Variants in SYK observed in about 807,000 individuals in gnomAD.
SYK encodes the protein spleen associated tyrosine kinase, also known as tyrosine-protein kinase SYK.
Under a neutral mutation model 77.8 loss-of-function variants are expected in SYK, and 16 were observed. The ratio of observed to expected loss-of-function variants is 0.21; its 90% CI spans 0.14 to 0.31. The LOEUF is 0.31. Among genes scored for constraint, SYK ranks in the 10% least tolerant of loss-of-function variants. The pLI is 1.00. For missense variants in SYK, 529 were observed against 814.4 expected, an observed-to-expected ratio of 0.65 and a Z score of 4.26; for synonymous variants, 312 against 308.7, an observed-to-expected ratio of 1.01 and a Z score of -0.11.
chr9:90,829,684 T>C (rs1413085951), intron 1 of SYK, among the ~76,000 whole-genome samples: 1 of 152,232 alleles, frequency 6.6e-6, no homozygotes, highest in Non-Finnish European at 1.5e-5. Flanking sequence ...GTGCCTGACA[T>C]AATGACTTGC....
At chr9:90,870,299 C>A (rs1827680760) in intron 7 of SYK, among the ~76,000 whole-genome samples, 1 of 152,176 alleles carries the variant, frequency 6.6e-6, no homozygotes, top group Admixed American at 6.5e-5. Context: ...AATTAAACAG[C>A]AACATCTCTA....
At position 90,844,714 on chromosome 9, in the gene SYK, C is replaced by T. The variant is rs558308868; in HGVS notation, c.417+399C>T. ...TTGCAGAACTTTCTGTGTCAACACT[C>T]ATATAGTTGCATCACCCGTTCTTTG... is the stretch of plus-strand genomic sequence containing the variant. On this transcript the variant is annotated intron_variant, in intron 2 of 13. Transcript: ENST00000375754. 8.5e-5 allele frequency among the ~76,000 whole-genome samples: 13 copies of T among 152,360 alleles called. No individual in the cohort carries two copies. In the East Asian group the frequency reaches 2.5e-3, roughly 29 times the overall value.
intron 1 of SYK, among the ~76,000 whole-genome samples, chr9:90,811,140 C>G (rs1392512177): frequency 6.6e-6 from 1 of 152,194 alleles, no homozygotes; most frequent in Admixed American, 6.5e-5. Flanking sequence ...TATTCACACT[C>G]ATCACAAGAT....
intron 3 of SYK, among the ~76,000 whole-genome samples, chr9:90,851,986 A>G (rs1826841304): frequency 6.6e-6 from 1 of 152,208 alleles, no homozygotes; most frequent in Non-Finnish European, 1.5e-5. Context: ...TTTAGAAAAG[A>G]TAATGTAATA....
chr9:90,868,886 A>G (rs1168181054), intron 7 of SYK, among the ~76,000 whole-genome samples: 4 of 152,228 alleles, frequency 2.6e-5, no homozygotes, highest in Admixed American at 2.0e-4. Context: ...ACAAAGTCTG[A>G]TAATAATTTA....
chr9:90,870,763 G>A (rs1009392450), intron 7 of SYK, among the ~76,000 whole-genome samples: 1 of 152,114 alleles, frequency 6.6e-6, no homozygotes, highest in Admixed American at 6.5e-5. Flanking sequence ...ACCAAACCTA[G>A]TTTATTGCAG....
intron 1 of SYK, among the ~76,000 whole-genome samples, chr9:90,805,344 T>A (rs982079872): frequency 1.2e-4 from 19 of 152,328 alleles, no homozygotes; most frequent in Admixed American, 3.9e-4. Context: ...CCTGGAGCGC[T>A]GGAAGGGAGC....
chr9:90,880,047 C>T (rs942736267), intron 11 of SYK, among the ~76,000 whole-genome samples: 1 of 152,256 alleles, frequency 6.6e-6, no homozygotes, highest in African/African-American at 2.4e-5. Flanking sequence ...AGGTTAACAA[C>T]CCTGCTAGTC....
intron 1 of SYK, among the ~76,000 whole-genome samples, chr9:90,840,923 G>T (rs1448045757): frequency 6.6e-6 from 1 of 152,202 alleles, no homozygotes; most frequent in Non-Finnish European, 1.5e-5. Context: ...TCAGGCTGAT[G>T]CTCTTACATT....
intron 9 of SYK, among the ~76,000 whole-genome samples, chr9:90,876,162 C>T (rs1564113735): frequency 6.6e-6 from 1 of 151,944 alleles, no homozygotes; most frequent in Admixed American, 6.6e-5. Flanking sequence ...TGGCATACAC[C>T]TGTAGTCCCA....
chr9:90,867,276 G>C (rs1827538210), intron 7 of SYK, 77 bp downstream of exon 7: 3 of 1,438,852 alleles, frequency 2.1e-6, no homozygotes, highest in Admixed American at 3.4e-5. Context: ...CGCCCAGTCT[G>C]CCCTGTGTGT....
intron 7 of SYK, among the ~76,000 whole-genome samples, chr9:90,868,812 A>C (rs1827617603): frequency 6.6e-6 from 1 of 152,170 alleles, no homozygotes. Context: ...GTATGTACAG[A>C]TATTCTTGCA....
chr9:90,858,783 T>C (rs1381301439), intron 3 of SYK, among the ~76,000 whole-genome samples: 2 of 152,238 alleles, frequency 1.3e-5, no homozygotes, highest in African/African-American at 4.8e-5. Flanking sequence ...GCTGGGCCTG[T>C]GGGTTTCCTT....
At chr9:90,846,512 A>T (rs1296702816) in intron 3 of SYK, among the ~76,000 whole-genome samples, 1 of 152,182 alleles carries the variant, frequency 6.6e-6, no homozygotes, top group Non-Finnish European at 1.5e-5. Flanking sequence ...CTTGTATTTT[A>T]AAAATGATCT....
At chr9:90,835,302 C>T (rs1185515336) in intron 1 of SYK, among the ~76,000 whole-genome samples, 4 of 152,164 alleles carry the variant, frequency 2.6e-5, no homozygotes, top group South Asian at 4.1e-4. Context: ...TCCAGAAGCC[C>T]AGCGGAGATG....
chr9:90,866,880 C>T (rs1043785686), intron 6 of SYK, among the ~76,000 whole-genome samples: 1 of 152,148 alleles, frequency 6.6e-6, no homozygotes, highest in Non-Finnish European at 1.5e-5. Context: ...GTGAATGTAA[C>T]AGCTCTAATT....
chr9:90,803,693 AT>A (rs1447802617), intron 1 of SYK, among the ~76,000 whole-genome samples: 1 of 152,132 alleles, frequency 6.6e-6, no homozygotes, highest in Non-Finnish European at 1.5e-5. Flanking sequence ...GCCCATGGTT[AT>A]AATCCAATAT....
intron 11 of SYK, among the ~76,000 whole-genome samples, chr9:90,885,574 C>T (rs1402386816): frequency 2.0e-5 from 3 of 152,096 alleles, no homozygotes; most frequent in Non-Finnish European, 4.4e-5. Flanking sequence ...ATCAGTGTCC[C>T]CAAGGGTGAA....
intron 13 of SYK, among the ~76,000 whole-genome samples, chr9:90,889,019 T>C (rs1467571305): frequency 2.0e-5 from 3 of 152,174 alleles, no homozygotes; most frequent in Non-Finnish European, 4.4e-5. Flanking sequence ...CTGATTACCA[T>C]GAGCAGTGAG....
Sources: gnomAD v4.1 joint callset for allele counts (sites outside exome capture counted in the v4.1 genomes callset) on GRCh38, gnomAD v4.1.1 for gene constraint, MANE v1.5 for transcripts, NCBI Gene and HGNC (gene_info 2026-07-23, HGNC 2026-07-21) for gene names.